The following FBXO33 variants were observed in gnomAD, a reference collection of about 807,000 sequenced individuals.
The protein encoded by FBXO33 is F-box only protein 33.
FBXO33 carries 22 observed loss-of-function variants against 46.3 expected under a neutral mutation model. That is an observed-to-expected ratio of 0.48 (90% CI 0.34 to 0.68). The LOEUF is 0.68. FBXO33 is among the 30% of genes least tolerant of loss of function. The pLI is 0.01. For synonymous variants in FBXO33, 337 were observed against 291.3 expected, an observed-to-expected ratio of 1.16 and a Z score of -1.60; for missense variants, 692 against 708.8, an observed-to-expected ratio of 0.98 and a Z score of 0.27.
At chr14:39,410,254 T>C (rs1028698559) in intron 1 of FBXO33, among the ~76,000 whole-genome samples, 5 of 152,240 alleles carry the variant, frequency 3.3e-5, no homozygotes, top group Non-Finnish European at 1.5e-5. Flanking sequence ...TGAAAGAATG[T>C]TGAATTTTGT....
At chr14:39,401,126 T>C (rs2075366760) in intron 3 of FBXO33, 50 bp downstream of exon 3, 2 of 1,499,686 alleles carry the variant, frequency 1.3e-6, no homozygotes, top group East Asian at 2.3e-5. Flanking sequence ...TGGCAGAAAA[T>C]GTTTTCGGTC....
At chr14:39,405,419 C>T (rs1296724808) in intron 1 of FBXO33, among the ~76,000 whole-genome samples, 1 of 151,862 alleles carries the variant, frequency 6.6e-6, no homozygotes, top group Non-Finnish European at 1.5e-5. Flanking sequence ...CCTAAATTTT[C>T]TGGGTTGTGT....
chr14:39,399,749 G>A lies in FBXO33; in HGVS notation c.1435C>T (p.Arg479Cys). ...VWAHNLIAIA[R>C]LRGSDLKVLE... ...ACTTTCAGATCAGAGCCCCGAAGACGAGCAATGGCAATGAGGTTGTGTGCC... is the reference window on the plus strand; with the variant it reads ...ACTTTCAGATCAGAGCCCCGAAGACAAGCAATGGCAATGAGGTTGTGTGCC... The change falls in exon 4 of 4, where the codon CGT becomes TGT. Residue 479 changes from arginine to cysteine, a missense_variant. Arg to Cys is a radical substitution (Grantham distance 180, BLOSUM62 -3). This residue lies in a region of FBXO33 where 186 missense variants were observed against 246.1 expected (regional missense o/e 0.76). Transcript: ENST00000298097. 6.2e-7 allele frequency: 1 copy of A among 1,609,372 alleles called. No homozygotes were observed.
intron 1 of FBXO33, 85 bp from the exon 2 acceptor site, chr14:39,402,596 G>A (rs1019904576): frequency 6.7e-5 from 36 of 537,592 alleles, no homozygotes; most frequent in Non-Finnish European, 2.2e-5. Flanking sequence ...ATGCAAAGGG[G>A]ATATTCTAGG....
rs763690321 is a variant in FBXO33, at chr14:39,431,947, G to A, written c.216C>T (p.Pro72=). The part of the protein sequence containing the change: ...CGQAAGAASL[P]SELIVHIFSF... ...AGAAGATGTGCACGATCAGCTCGCT[G>A]GGCAGCGACGCAGCGCCCGCCGCCT... The change falls in exon 1 of 4, where the codon CCC becomes CCT. Residue 72 remains proline, a synonymous_variant. Coordinates refer to ENST00000298097, the MANE Select transcript of FBXO33 (RefSeq NM_203301.4). The A allele has an allele frequency of 6.5e-5, 99 of 1,531,194 alleles. No homozygotes were observed. The East Asian group carries it at 2.3e-3, about 35-fold the overall frequency. The allele number at this position is 1,531,194 out of a possible 1,614,324, so 94.9% of individuals were successfully genotyped here. A position where few individuals can be genotyped will look rare whatever the true frequency, so the allele number is the denominator to read the frequency against.
At chr14:39,403,922 C>G (rs1282497416) in intron 1 of FBXO33, among the ~76,000 whole-genome samples, 1 of 151,886 alleles carries the variant, frequency 6.6e-6, no homozygotes, top group South Asian at 2.1e-4. Flanking sequence ...CCAGCTCAGC[C>G]TCCTGAGTAG....
intron 1 of FBXO33, 23 bp downstream of exon 1, chr14:39,431,541 G>A: frequency 6.2e-7 from 1 of 1,608,078 alleles, no homozygotes; most frequent in Non-Finnish European, 8.5e-7. Context: ...TACCGGGCGG[G>A]GCGGGGCTCA....
chr14:39,416,320 T>C (rs1034263961), intron 1 of FBXO33, among the ~76,000 whole-genome samples: 2 of 152,224 alleles, frequency 1.3e-5, no homozygotes, highest in South Asian at 4.2e-4. Context: ...TTTTGACAAT[T>C]TGATTATAAT....
chr14:39,424,230 G>A (rs1217251744), intron 1 of FBXO33, among the ~76,000 whole-genome samples: 1 of 152,182 alleles, frequency 6.6e-6, no homozygotes, highest in Admixed American at 6.5e-5. Flanking sequence ...TACCACTTCA[G>A]TAGTTGAGAC....
At chr14:39,425,061 AG>A (rs2075504614) in intron 1 of FBXO33, among the ~76,000 whole-genome samples, 1 of 152,188 alleles carries the variant, frequency 6.6e-6, no homozygotes, top group Non-Finnish European at 1.5e-5. Context: ...AAAAAAAAAA[AG>A]TTTATTAAAA....
At chr14:39,405,814 T>C (rs995443613) in intron 1 of FBXO33, among the ~76,000 whole-genome samples, 1 of 150,712 alleles carries the variant, frequency 6.6e-6, no homozygotes, top group African/African-American at 2.4e-5. Context: ...ACAGCCAATG[T>C]AGAACATGTC....
At chr14:39,429,008 T>C (rs894528297) in intron 1 of FBXO33, among the ~76,000 whole-genome samples, 1 of 152,184 alleles carries the variant, frequency 6.6e-6, no homozygotes, top group African/African-American at 2.4e-5. Context: ...TTTATCCTTA[T>C]TAGTTGTTCC....
chr14:39,431,940 G>C lies in FBXO33; in HGVS notation c.223C>G (p.Leu75Val), dbSNP rs1220755481. The C allele has an allele frequency of 8.5e-6, 13 of 1,532,614 alleles. No homozygotes were observed. The highest frequency in any genetic ancestry group is 7.9e-6 in the Non-Finnish European group (9 of 1,145,676). 94.9% of individuals were successfully genotyped at this position (1,532,614 alleles called of 1,614,324 possible). The part of the protein sequence containing the change: ...AAGAASLPSE[L>V]IVHIFSFLPA... ...AGAAAAGAGAAGATGTGCACGATCAGCTCGCTGGGCAGCGACGCAGCGCCC... is the reference window on the plus strand; with the variant it reads ...AGAAAAGAGAAGATGTGCACGATCACCTCGCTGGGCAGCGACGCAGCGCCC... The change falls in exon 1 of 4, where the codon CTG (leucine) becomes GTG (valine). Residue 75 changes from leucine to valine, a missense_variant. Physicochemically the swap from Leu to Val is conservative, Grantham distance 32. Coordinates refer to ENST00000298097, the MANE Select transcript of FBXO33 (RefSeq NM_203301.4).
At chr14:39,422,475 T>G (rs981031370) in intron 1 of FBXO33, among the ~76,000 whole-genome samples, 7 of 152,208 alleles carry the variant, frequency 4.6e-5, no homozygotes, top group Admixed American at 4.6e-4. Flanking sequence ...TCACTGTCTT[T>G]GCTCAAAACT....
At chr14:39,430,150 C>A (rs1164633828) in intron 1 of FBXO33, among the ~76,000 whole-genome samples, 4 of 152,154 alleles carry the variant, frequency 2.6e-5, no homozygotes, top group Non-Finnish European at 4.4e-5. Context: ...GTCAGTTGGT[C>A]CTCTAGCCAT....
At chr14:39,401,078 A>G in intron 3 of FBXO33, 98 bp downstream of exon 3, 1 of 1,102,976 alleles carries the variant, frequency 9.1e-7, no homozygotes, top group East Asian at 2.5e-5. Context: ...TTGATACAAG[A>G]TTTCTTGATA....
At chr14:39,431,247 TCCCATATATAAAATGAAAAGTGACAGCGC>T (rs2075546749) in intron 1 of FBXO33, among the ~76,000 whole-genome samples, 1 of 151,994 alleles carries the variant, frequency 6.6e-6, no homozygotes, top group Non-Finnish European at 1.5e-5. Flanking sequence ...GTCTTAACGC[TCCCATATATAAAATGAAAAGTGACAGCGC>T]CTGTCAGCTC....
At chr14:39,431,012 C>T (rs982011482) in intron 1 of FBXO33, among the ~76,000 whole-genome samples, 1 of 152,152 alleles carries the variant, frequency 6.6e-6, no homozygotes, top group Non-Finnish European at 1.5e-5. Context: ...ACTTCTTCCC[C>T]AATCCCTTTA....
rs1320365310 is a variant in FBXO33, at chr14:39,431,976, C to T, written c.187G>A (p.Gly63Arg). 3.3e-6 allele frequency: 5 copies of T among 1,516,512 alleles called. No homozygotes were observed. In the South Asian group the frequency reaches 6.1e-5, roughly 18 times the overall value. 93.9% of individuals were successfully genotyped at this position (1,516,512 alleles called of 1,614,324 possible). Residue 63 changes from glycine to arginine, a missense_variant, in exon 1 of 4, where the codon GGG becomes AGG. By Grantham distance (125) the Gly-to-Arg change is moderately radical (BLOSUM62 -2). Around this residue, in one of 3 missense-constraint regions of FBXO33, gnomAD observed 412 missense variants for 370.8 expected, o/e 1.11. Transcript: ENST00000298097. ...AGCGACGCAGCGCCCGCCGCCTGCC[C>T]GCACAGAGCCATCCGGCCCCGCCGC... ...SRRRGRMALCGQAAGAASLPS... is the reference protein window; with the variant it reads ...SRRRGRMALCRQAAGAASLPS...
Sources: gnomAD v4.1 joint callset for allele counts (sites outside exome capture counted in the v4.1 genomes callset) on GRCh38, gnomAD v4.1.1 for gene constraint, gnomAD v4.1.1 regional missense constraint, MANE v1.5 for transcripts, NCBI Gene and HGNC (gene_info 2026-07-23, HGNC 2026-07-21) for gene names.